The following TRPM8 variants were observed in gnomAD, a reference collection of about 807,000 sequenced individuals.
TRPM8 encodes transient receptor potential cation channel subfamily M member 8, also known as TRPM8 cationic channel.
In TRPM8, 110 loss-of-function variants were observed where a neutral mutation model predicts 133.7. The ratio of observed to expected loss-of-function variants is 0.82; its 90% CI spans 0.70 to 0.96. The LOEUF is 0.96. Among genes scored for constraint, TRPM8 ranks in the 40% least tolerant of loss-of-function variants. The pLI is 0.00. For missense variants in TRPM8, 1,291 were observed against 1,379.5 expected (o/e 0.94, Z 1.02); for synonymous variants, 535 against 532.3 (o/e 1.01, Z -0.07).
chr2:233,962,926 G>T (rs1388685276), intron 12 of TRPM8, among the ~76,000 whole-genome samples: 2 of 152,108 alleles, frequency 1.3e-5, no homozygotes, highest in Non-Finnish European at 2.9e-5. Flanking sequence ...TAGGAAAGTT[G>T]GAATCTAGTT....
intron 6 of TRPM8, chr2:233,943,067 C>CTTTTTTTTTTTTTTTTTT (rs67315288): frequency 5.9e-6 from 1 of 170,598 alleles, no homozygotes; most frequent in African/African-American, 3.4e-5. Context: ...ACTGCAGTAT[C>CTTTTTTTTTTTTTTTTTT]TTTTTTTTTT....
intron 22 of TRPM8, among the ~76,000 whole-genome samples, chr2:233,999,414 C>T (rs1339515387): frequency 6.6e-6 from 1 of 152,114 alleles, no homozygotes; most frequent in Non-Finnish European, 1.5e-5. Flanking sequence ...TCTATTGGTC[C>T]AAGCAAGTCA....
chr2:233,970,169 G>A lies in TRPM8; in HGVS notation c.2139-41G>A, dbSNP rs183421282. On this transcript the variant is annotated intron_variant, in intron 16 of 25. Transcript: ENST00000324695. ...GAGGGGAGGGCTGTGCCCGTCCCAT[G>A]CTTGCAAGGATGCTGACGATGCCCT... 1,241 of 1,574,300 alleles carry A rather than the reference G, an allele frequency of 7.9e-4. 11 individuals are homozygous for A. The African/African-American group carries it at 0.015, about 20-fold the overall frequency.
At chr2:233,925,760 A>G (rs796764901) in intron 1 of TRPM8, among the ~76,000 whole-genome samples, 111 of 152,274 alleles carry the variant, frequency 7.3e-4, no homozygotes, top group African/African-American at 2.6e-3. Context: ...CTGTGTCAGC[A>G]GGACAACCCC....
intron 22 of TRPM8, among the ~76,000 whole-genome samples, chr2:234,002,881 A>C (rs1692604460): frequency 1.3e-5 from 2 of 151,820 alleles, no homozygotes; most frequent in South Asian, 2.1e-4. Flanking sequence ...TTTTTTTCCT[A>C]AGGGTATTTG....
rs111700621 is a variant in TRPM8 at position 233,977,217 on chromosome 2, TA to T, written c.2356-2967del. ...TAAACAGACATTGGGGATGTTTATTTAAAATGGATGAGTCCCATCATGCCTT... is the reference window on the plus strand; with the variant it reads ...TAAACAGACATTGGGGATGTTTATTTAAATGGATGAGTCCCATCATGCCTT... On this transcript the variant is annotated intron_variant, in intron 17 of 25. Coordinates refer to ENST00000324695, the MANE Select transcript of TRPM8 (RefSeq NM_024080.5). 5.0e-3 allele frequency among the ~76,000 whole-genome samples: 762 copies of T among 152,312 alleles called. 7 individuals are homozygous for T. Among genetic ancestry groups the T allele is most frequent in the African/African-American group, 0.018 (730 of 41,572 alleles).
At chr2:233,935,394 A>G (rs988059390) in intron 3 of TRPM8, among the ~76,000 whole-genome samples, 2 of 152,180 alleles carry the variant, frequency 1.3e-5, no homozygotes. Context: ...CCTGGTGCTG[A>G]CCCACATCTG....
intron 9 of TRPM8, among the ~76,000 whole-genome samples, chr2:233,951,002 A>C (rs887005145): frequency 5.3e-5 from 8 of 152,108 alleles, no homozygotes; most frequent in African/African-American, 1.9e-4. Context: ...GGAGTTCAAG[A>C]CCTGCCTGGA....
At chr2:233,964,572 A>C (rs1398642070) in intron 13 of TRPM8, 56 bp from the exon 14 acceptor site, 1 of 1,358,620 alleles carries the variant, frequency 7.4e-7, no homozygotes, top group Non-Finnish European at 9.7e-7. Context: ...AAAAAAAAAA[A>C]AAAAAGAAAA....
At chr2:234,009,000 T>C (rs1218006626) in intron 24 of TRPM8, among the ~76,000 whole-genome samples, 2 of 152,166 alleles carry the variant, frequency 1.3e-5, no homozygotes, top group East Asian at 3.9e-4. Flanking sequence ...GCAGCTGAAA[T>C]GAGGGGCAGC....
At chr2:233,974,097 G>C (rs777618357) in intron 17 of TRPM8, among the ~76,000 whole-genome samples, 4 of 152,208 alleles carry the variant, frequency 2.6e-5, no homozygotes, top group African/African-American at 7.2e-5. Context: ...TAGCACTGGA[G>C]GGGGAAGTGT....
In TRPM8 at chr2:233,942,768, A is replaced by C. The variant is rs769692977; in HGVS notation, c.699+20A>C. 1 of 1,613,330 alleles carries C rather than the reference A, an allele frequency of 6.2e-7. No individual in the cohort carries two copies. The highest frequency in any genetic ancestry group is 1.1e-5 in the South Asian group (1 of 90,998). On this transcript the variant is annotated intron_variant, in intron 6 of 25. Coordinates refer to ENST00000324695, the MANE Select transcript of TRPM8 (RefSeq NM_024080.5). ...GCTGAGGTACCGGTGGGACAGGAGG[A>C]GGTCTGCTAGGTCACATGGAAGAAA...
At chr2:233,971,544 G>A (rs914441432) in intron 17 of TRPM8, among the ~76,000 whole-genome samples, 2 of 152,162 alleles carry the variant, frequency 1.3e-5, no homozygotes, top group East Asian at 1.9e-4. Context: ...GGAGGTGGAG[G>A]AAGTGTGTCT....
chr2:233,957,916 T>C (rs1691332177), intron 11 of TRPM8, among the ~76,000 whole-genome samples: 1 of 152,236 alleles, frequency 6.6e-6, no homozygotes, highest in Non-Finnish European at 1.5e-5. Context: ...ATGACGATAA[T>C]AGCAGTACTT....
At chr2:233,966,897 G>C in intron 15 of TRPM8, 142 bp downstream of exon 15, 1 of 1,066,166 alleles carries the variant, frequency 9.4e-7, no homozygotes, top group Non-Finnish European at 1.3e-6. Flanking sequence ...GTGATGATGT[G>C]GGAGATGGCC....
chr2:233,994,837 A>G (rs1692365132), intron 21 of TRPM8, among the ~76,000 whole-genome samples: 1 of 152,154 alleles, frequency 6.6e-6, no homozygotes, highest in African/African-American at 2.4e-5. Context: ...CCCCATCAGG[A>G]TTTGCCTTCA....
At chr2:233,932,574 G>C (rs1691702124) in intron 3 of TRPM8, among the ~76,000 whole-genome samples, 1 of 152,106 alleles carries the variant, frequency 6.6e-6, no homozygotes, top group African/African-American at 2.4e-5. Context: ...AGTGGAAGGG[G>C]AAGTAGATGC....
intron 21 of TRPM8, among the ~76,000 whole-genome samples, chr2:233,991,190 T>C (rs1692267752): frequency 6.6e-6 from 1 of 152,136 alleles, no homozygotes; most frequent in Non-Finnish European, 1.5e-5. Context: ...TTTTATAGTA[T>C]ATTAAAGAAT....
rs975120816 is a variant in TRPM8, at chr2:233,989,291, C to T, written c.2939+3426C>T. Among the ~76,000 whole-genome samples the T allele has an allele frequency of 4.6e-5, 7 of 152,210 alleles. No homozygotes were observed. Among genetic ancestry groups the T allele is most frequent in the African/African-American group, 1.2e-4 (5 of 41,462 alleles). On this transcript the variant is annotated intron_variant, in intron 21 of 25. Coordinates refer to ENST00000324695, the MANE Select transcript of TRPM8 (RefSeq NM_024080.5). The surrounding 1 kb of genome is among the most constrained non-coding windows in gnomAD (Gnocchi z 4.2). ...AGGAGATGAAGTCCCAGCAGCTCAG[C>T]GTCTGTGGTCCTGGCCGCGCGTTAT...
Sources: gnomAD v4.1 joint callset for allele counts (sites outside exome capture counted in the v4.1 genomes callset) on GRCh38, gnomAD v4.1.1 for gene constraint, Gnocchi (gnomAD v3.1) non-coding constraint, MANE v1.5 for transcripts, NCBI Gene and HGNC (gene_info 2026-07-23, HGNC 2026-07-21) for gene names.